Variants in SRD5A1 observed in about 807,000 individuals in gnomAD.
SRD5A1 encodes steroid 5 alpha-reductase 1, also known as 3-oxo-5-alpha-steroid 4-dehydrogenase 1.
In SRD5A1, 22 loss-of-function variants were observed where a neutral mutation model predicts 28.2. The ratio of observed to expected loss-of-function variants is 0.78; its 90% CI spans 0.56 to 1.12. The LOEUF (loss-of-function observed/expected upper bound fraction) is 1.12. Among genes scored for constraint, SRD5A1 ranks in the 50% most tolerant of loss-of-function variants. The pLI is 0.00. For synonymous variants in SRD5A1, 151 were observed against 135.0 expected, an observed-to-expected ratio of 1.12 and a Z score of -0.82; for missense variants, 300 against 346.7, an observed-to-expected ratio of 0.87 and a Z score of 1.07.
intron 2 of SRD5A1, among the ~76,000 whole-genome samples, chr5:6,653,002 AAAGTCTG>A (rs1228906485): frequency 1.3e-5 from 2 of 152,222 alleles, no homozygotes; most frequent in African/African-American, 2.4e-5. Flanking sequence ...TAGCATGCTA[AAAGTCTG>A]AAGTCAGTCT....
intron 2 of SRD5A1, among the ~76,000 whole-genome samples, chr5:6,653,999 CATAA>C (rs1481208723): frequency 6.6e-6 from 1 of 152,132 alleles, no homozygotes; most frequent in Non-Finnish European, 1.5e-5. Flanking sequence ...CGTGAAATTA[CATAA>C]ATAAGTAATT....
At chr5:6,637,948 A>G (rs1029601721) in intron 1 of SRD5A1, among the ~76,000 whole-genome samples, 1 of 152,236 alleles carries the variant, frequency 6.6e-6, no homozygotes, top group African/African-American at 2.4e-5. Context: ...AGCCTAGCCC[A>G]GCTTCACTTT....
At chr5:6,651,523 G>A (rs975912113) in intron 1 of SRD5A1, among the ~76,000 whole-genome samples, 1 of 152,052 alleles carries the variant, frequency 6.6e-6, no homozygotes, top group East Asian at 1.9e-4. Flanking sequence ...TAATAAGTGT[G>A]GTGGCACATG....
rs940822935 is a variant in SRD5A1 at position 6,673,825 on chromosome 5, T to C, written c.*5557T>C. 1.8e-4 allele frequency: 28 copies of C among 152,188 alleles called. No homozygotes were observed. Among genetic ancestry groups the C allele is most frequent in the Admixed American group, 1.4e-3 (21 of 15,278 alleles). 9.4% of individuals were successfully genotyped at this position (152,188 alleles called of 1,614,324 possible). On this transcript the variant is annotated 3_prime_UTR_variant, in exon 5 of 5. Transcript: ENST00000274192. ...AAGCCATGAAAAGATAAGGAAGAACTTTAATGCATATTGGTAAGTGAAAAA... is the reference window on the plus strand; with the variant it reads ...AAGCCATGAAAAGATAAGGAAGAACCTTAATGCATATTGGTAAGTGAAAAA...
rs1046357465 is a variant in SRD5A1, at chr5:6,633,739, G to T, written c.163G>T (p.Ala55Ser). 1.9e-6 allele frequency: 3 copies of T among 1,595,150 alleles called. No individual in the cohort carries two copies. The highest frequency in any genetic ancestry group is 2.2e-5 in the East Asian group (1 of 44,706). The change falls in exon 1 of 5, where the codon GCC (alanine) becomes TCC (serine). Residue 55 changes from alanine (A) to serine (S), a missense_variant. This residue lies in a region of SRD5A1 where 174 missense variants were observed against 160.9 expected (regional missense o/e 1.08). Transcript: ENST00000274192. ...CAGGCTCCGAGTGCCGGCGCGGGCCGCCTGGGTGGTGCAGGAGCTGCCCTC... is the reference window on the plus strand; with the variant it reads ...CAGGCTCCGAGTGCCGGCGCGGGCCTCCTGGGTGGTGCAGGAGCTGCCCTC... The part of the protein sequence containing the change: ...SHRLRVPARA[A>S]WVVQELPSLA...
intron 3 of SRD5A1, among the ~76,000 whole-genome samples, chr5:6,661,319 T>G (rs1579413538): frequency 6.7e-6 from 1 of 148,264 alleles, no homozygotes; most frequent in South Asian, 2.1e-4. Flanking sequence ...GAGAGGTGGG[T>G]CACCTGAGGT....
chr5:6,639,849 G>GA (rs1738308977), intron 1 of SRD5A1, among the ~76,000 whole-genome samples: 1 of 152,194 alleles, frequency 6.6e-6, no homozygotes, highest in South Asian at 2.1e-4. Flanking sequence ...AGGAAAGAAA[G>GA]AAAAGTTGCC....
rs1399082091 is a variant in SRD5A1, at chr5:6,633,444, T to C, written c.-133T>C. On this transcript the variant is annotated 5_prime_UTR_variant, in exon 1 of 5. Coordinates refer to ENST00000274192, the MANE Select transcript of SRD5A1 (RefSeq NM_001047.4). ...GGAGAAGCCTGACTTGAGAACCCTT[T>C]CTGCAGAGTCCCGGCAGTGCGGGAC... 3 of 1,080,314 alleles carry C rather than the reference T, an allele frequency of 2.8e-6. No individual in the cohort carries two copies. Among genetic ancestry groups the C allele is most frequent in the Non-Finnish European group, 3.7e-6 (3 of 805,032 alleles). 66.9% of individuals were successfully genotyped at this position (1,080,314 alleles called of 1,614,324 possible).
chr5:6,667,295 T>C lies in SRD5A1; in HGVS notation c.714-907T>C, dbSNP rs371711795. On this transcript the variant is annotated intron_variant, in intron 4 of 4. Coordinates refer to ENST00000274192, the MANE Select transcript of SRD5A1 (RefSeq NM_001047.4). Reference sequence around the variant, plus strand: ...AGAATTGTTCTTATTACATGCCTTTTTGGGGACACAGAACATACAAAAGTA... The same window carrying C: ...AGAATTGTTCTTATTACATGCCTTTCTGGGGACACAGAACATACAAAAGTA... Among the ~76,000 whole-genome samples, 6 of 152,178 alleles carry C rather than the reference T, an allele frequency of 3.9e-5. No individual in the cohort carries two copies. In the East Asian group the frequency reaches 9.6e-4, roughly 24 times the overall value.
intron 4 of SRD5A1, among the ~76,000 whole-genome samples, chr5:6,665,409 T>G (rs897911865): frequency 6.6e-6 from 1 of 152,234 alleles, no homozygotes; most frequent in African/African-American, 2.4e-5. Flanking sequence ...TAAAATTGAC[T>G]GGGAAAGTAA....
At chr5:6,641,378 G>A (rs1738355466) in intron 1 of SRD5A1, among the ~76,000 whole-genome samples, 1 of 152,194 alleles carries the variant, frequency 6.6e-6, no homozygotes, top group Admixed American at 6.5e-5. Flanking sequence ...AAAGCTAAAG[G>A]GAATGGCCCG....
At chr5:6,660,802 A>T (rs1488629212) in intron 3 of SRD5A1, among the ~76,000 whole-genome samples, 2 of 152,250 alleles carry the variant, frequency 1.3e-5, no homozygotes, top group Non-Finnish European at 1.5e-5. Flanking sequence ...TAATTTATGA[A>T]GAGAAAATGT....
At chr5:6,667,151 G>A (rs1739209271) in intron 4 of SRD5A1, among the ~76,000 whole-genome samples, 1 of 152,208 alleles carries the variant, frequency 6.6e-6, no homozygotes, top group Non-Finnish European at 1.5e-5. Context: ...GCCACGTTGT[G>A]TGTTGGGCAC....
At position 6,649,424 on chromosome 5, in the gene SRD5A1, A is replaced by G. The variant is rs140370803; in HGVS notation, c.294-2418A>G. 4.0e-3 allele frequency among the ~76,000 whole-genome samples: 604 copies of G among 152,256 alleles called. 4 individuals carry two copies. Among genetic ancestry groups the G allele is most frequent in the African/African-American group, 0.014 (575 of 41,534 alleles). On this transcript the variant is annotated intron_variant, in intron 1 of 4. Coordinates refer to ENST00000274192, the MANE Select transcript of SRD5A1 (RefSeq NM_001047.4). Reference sequence around the variant, plus strand: ...TTACACTATGAGGGTAAAACCGTCTACTTAAGCCTCAGCAGTGGTGGATGC... The same window carrying G: ...TTACACTATGAGGGTAAAACCGTCTGCTTAAGCCTCAGCAGTGGTGGATGC...
intron 1 of SRD5A1, among the ~76,000 whole-genome samples, chr5:6,640,188 A>G (rs549929729): frequency 2.6e-4 from 40 of 152,332 alleles, no homozygotes; most frequent in African/African-American, 9.1e-4. Flanking sequence ...CCATGTCACC[A>G]TATTCCTGTG....
chr5:6,667,008 A>G (rs1053719835), intron 4 of SRD5A1, among the ~76,000 whole-genome samples: 7 of 152,200 alleles, frequency 4.6e-5, no homozygotes, highest in African/African-American at 1.7e-4. Flanking sequence ...CCGCTGGCCC[A>G]TGGGGAAGCT....
At chr5:6,638,716 T>C (rs1738274080) in intron 1 of SRD5A1, among the ~76,000 whole-genome samples, 1 of 152,170 alleles carries the variant, frequency 6.6e-6, no homozygotes, top group Non-Finnish European at 1.5e-5. Flanking sequence ...TATTCAAAAG[T>C]GTAGGATGAT....
chr5:6,642,851 T>C (rs2126529540), intron 1 of SRD5A1, among the ~76,000 whole-genome samples: 1 of 152,332 alleles, frequency 6.6e-6, no homozygotes, highest in Admixed American at 6.5e-5. Context: ...CAAATCGGCA[T>C]AGTCAGCTTA....
intron 2 of SRD5A1, among the ~76,000 whole-genome samples, chr5:6,655,576 T>G (rs1021804132): frequency 3.3e-5 from 5 of 152,144 alleles, no homozygotes; most frequent in African/African-American, 1.2e-4. Context: ...AGGTTGTAAA[T>G]AAGAGAAGAC....
Sources: gnomAD v4.1 joint callset for allele counts (sites outside exome capture counted in the v4.1 genomes callset) on GRCh38, gnomAD v4.1.1 for gene constraint, gnomAD v4.1.1 regional missense constraint, MANE v1.5 for transcripts, NCBI Gene and HGNC (gene_info 2026-07-23, HGNC 2026-07-21) for gene names.